The following SLC39A11 variants were observed in gnomAD, a reference collection of about 807,000 sequenced individuals.
SLC39A11 encodes zinc transporter ZIP11.
SLC39A11 carries 33 observed loss-of-function variants against 36.1 expected under a neutral mutation model. The ratio of observed to expected loss-of-function variants is 0.91; its 90% CI spans 0.69 to 1.22. The LOEUF is 1.22. SLC39A11 is among the 50% of genes most tolerant of loss of function. SLC39A11 has a pLI of 0.00. For missense variants in SLC39A11, 432 were observed against 430.3 expected (o/e 1.00, Z -0.03); for synonymous variants, 166 against 170.3 (o/e 0.97, Z 0.20).
At chr17:72,918,476 T>C (rs1041490256) in intron 5 of SLC39A11, among the ~76,000 whole-genome samples, 8 of 152,156 alleles carry the variant, frequency 5.3e-5, no homozygotes, top group African/African-American at 1.9e-4. Flanking sequence ...AAACTCCTAA[T>C]GTCCCTGATT....
chr17:72,930,273 C>T (rs951505599), intron 5 of SLC39A11, among the ~76,000 whole-genome samples: 1 of 152,100 alleles, frequency 6.6e-6, no homozygotes, highest in African/African-American at 2.4e-5. Flanking sequence ...TGTTAAAGTT[C>T]CACCCGCAAA....
intron 7 of SLC39A11, among the ~76,000 whole-genome samples, chr17:72,708,518 G>C (rs975385783): frequency 3.9e-5 from 6 of 152,140 alleles, no homozygotes; most frequent in Non-Finnish European, 8.8e-5. Flanking sequence ...TATTGGTTCT[G>C]TCTCTCCAGA....
chr17:72,780,128 A>T (rs1364324564), intron 6 of SLC39A11, among the ~76,000 whole-genome samples: 1 of 152,050 alleles, frequency 6.6e-6, no homozygotes, highest in African/African-American at 2.4e-5. Context: ...TTCTATTTCA[A>T]CTCAGGCAGT....
intron 4 of SLC39A11, among the ~76,000 whole-genome samples, chr17:72,967,401 T>A (rs2466512): frequency 0.33 from 20,336 of 61,014 alleles, 1,704 homozygotes; most frequent in East Asian, 0.47. Flanking sequence ...AGAGAGAGAG[T>A]GTGTGTGTGT....
At chr17:73,061,349 G>C (rs993311037) in intron 3 of SLC39A11, among the ~76,000 whole-genome samples, 2 of 152,070 alleles carry the variant, frequency 1.3e-5, no homozygotes, top group Admixed American at 1.3e-4. Context: ...AACAGGGCAA[G>C]ACTCTGTCTC....
rs528298339 is a variant in SLC39A11, at chr17:72,916,148, A to C, written c.430+31604T>G. Reference sequence around the variant, plus strand: ...CTCCATTAATCTCAGCACTGCATTCACCTCCAAGACACGACATTGTGAGCT... The same window carrying C: ...CTCCATTAATCTCAGCACTGCATTCCCCTCCAAGACACGACATTGTGAGCT... On this transcript the variant is annotated intron_variant, in intron 5 of 9. Transcript: ENST00000255559. 2.6e-5 allele frequency among the ~76,000 whole-genome samples: 4 copies of C among 152,104 alleles called. No individual in the cohort carries two copies. The East Asian group carries it at 7.7e-4, about 29-fold the overall frequency.
chr17:72,713,225 T>C (rs1233382252), intron 7 of SLC39A11, among the ~76,000 whole-genome samples: 1 of 152,168 alleles, frequency 6.6e-6, no homozygotes, highest in Admixed American at 6.5e-5. Flanking sequence ...GAATCTCGGC[T>C]GAAAGATTAG....
chr17:72,968,615 C>T (rs1295697968), intron 4 of SLC39A11, among the ~76,000 whole-genome samples: 2 of 152,190 alleles, frequency 1.3e-5, no homozygotes, highest in Admixed American at 6.5e-5. Context: ...TCTTCACACA[C>T]ACCTGTGCAT....
In SLC39A11 at chr17:72,852,910, G is replaced by C. The variant is rs142390448; in HGVS notation, c.431-3106C>G. ...CCTAGATCAGTCAGCAAACATTCCTGATTTCCTGTGCCTGGTCTGAGCATA... is the reference window on the plus strand; with the variant it reads ...CCTAGATCAGTCAGCAAACATTCCTCATTTCCTGTGCCTGGTCTGAGCATA... On this transcript the variant is annotated intron_variant, in intron 5 of 9. Transcript: ENST00000255559. Among the ~76,000 whole-genome samples the C allele has an allele frequency of 1.7e-3, 259 of 152,312 alleles. 1 individual carries two copies. Among genetic ancestry groups the C allele is most frequent in the African/African-American group, 6.1e-3 (253 of 41,556 alleles).
intron 3 of SLC39A11, among the ~76,000 whole-genome samples, chr17:73,069,073 T>C (rs1297603768): frequency 6.6e-6 from 1 of 152,106 alleles, no homozygotes; most frequent in African/African-American, 2.4e-5. Context: ...TTTCCACTCT[T>C]ATGCTTCCAA....
At chr17:72,782,449 C>A (rs2076349792) in intron 6 of SLC39A11, among the ~76,000 whole-genome samples, 1 of 152,076 alleles carries the variant, frequency 6.6e-6, no homozygotes. Context: ...TAGCCAAGTC[C>A]CTTGGCACAC....
At chr17:72,685,041 GATC>G (rs2071680176) in intron 7 of SLC39A11, among the ~76,000 whole-genome samples, 1 of 152,222 alleles carries the variant, frequency 6.6e-6, no homozygotes, top group Non-Finnish European at 1.5e-5. Context: ...GCAGGGAAAT[GATC>G]ATCGATTCAA....
At chr17:72,985,109 A>C (rs1598727118) in intron 4 of SLC39A11, among the ~76,000 whole-genome samples, 1 of 152,212 alleles carries the variant, frequency 6.6e-6, no homozygotes, top group Non-Finnish European at 1.5e-5. Context: ...CTCCCTAGGA[A>C]TGTGCACACT....
At position 72,986,881 on chromosome 17, in the gene SLC39A11, T is replaced by C. The variant is rs73996093; in HGVS notation, c.307-39006A>G. On this transcript the variant is annotated intron_variant, in intron 4 of 9. Transcript: ENST00000255559. ...GGTTACTGTCTTCAACTACAATGAC[T>C]AGTTTTTTATACCAGAAGGGAAAGA... Among the ~76,000 whole-genome samples the C allele has an allele frequency of 4.0e-3, 613 of 152,302 alleles. 8 individuals are homozygous for C. The highest frequency in any genetic ancestry group is 0.014 in the African/African-American group (585 of 41,564).
chr17:72,987,168 G>A (rs559537189), intron 4 of SLC39A11, among the ~76,000 whole-genome samples: 10 of 152,302 alleles, frequency 6.6e-5, no homozygotes, highest in South Asian at 4.1e-4. Context: ...CGCTTGTCAC[G>A]TCACACATCT....
At chr17:72,670,683 A>G (rs1172799139) in intron 7 of SLC39A11, among the ~76,000 whole-genome samples, 1 of 152,206 alleles carries the variant, frequency 6.6e-6, no homozygotes. Flanking sequence ...AGCTTTGGCC[A>G]TTGGGAGCTC....
At chr17:72,958,837 C>A (rs953875961) in intron 4 of SLC39A11, among the ~76,000 whole-genome samples, 2 of 145,784 alleles carry the variant, frequency 1.4e-5, no homozygotes, top group South Asian at 2.2e-4. Context: ...GGCGACAGAG[C>A]GAGACTCTGT....
rs927339391 is a variant in SLC39A11, at chr17:72,951,333, C to T, written c.307-3458G>A. ...CAGATACCTGCTTTAGAAAGAGTTA[C>T]GATGATCAATCAGGACGCCATAGCT... On this transcript the variant is annotated intron_variant, in intron 4 of 9. Coordinates refer to ENST00000255559, the MANE Select transcript of SLC39A11 (RefSeq NM_139177.4). Among the ~76,000 whole-genome samples, 6 of 150,290 alleles carry T rather than the reference C, an allele frequency of 4.0e-5. No individual in the cohort carries two copies. In the East Asian group the frequency reaches 5.9e-4, roughly 15 times the overall value.
At chr17:72,735,347 G>A (rs891951384) in intron 7 of SLC39A11, among the ~76,000 whole-genome samples, 4 of 152,200 alleles carry the variant, frequency 2.6e-5, no homozygotes, top group East Asian at 1.9e-4. Context: ...TCCTCAGGGC[G>A]CATAAACAGG....
Sources: gnomAD v4.1 joint callset for allele counts (sites outside exome capture counted in the v4.1 genomes callset) on GRCh38, gnomAD v4.1.1 for gene constraint, MANE v1.5 for transcripts, NCBI Gene and HGNC (gene_info 2026-07-23, HGNC 2026-07-21) for gene names.